Variants in CHRM3 observed in about 807,000 individuals in gnomAD.
The protein encoded by CHRM3 is cholinergic receptor muscarinic 3.
A neutral mutation model predicts 41.8 loss-of-function variants in CHRM3; 11 were observed. The observed-to-expected ratio is 0.26, with a 90% CI of 0.17 to 0.44. The LOEUF (loss-of-function observed/expected upper bound fraction) is 0.44, where lower values mean the gene tolerates loss of function less well. CHRM3 is among the 20% of genes least tolerant of loss of function. The pLI is 1.00. For missense variants in CHRM3, 571 were observed against 745.4 expected (o/e 0.77, Z 2.72); for synonymous variants, 297 against 301.4 (o/e 0.99, Z 0.15).
intron 6 of CHRM3, among the ~76,000 whole-genome samples, chr1:239,880,679 G>A (rs1204362993): frequency 6.6e-6 from 1 of 152,060 alleles, no homozygotes; most frequent in Non-Finnish European, 1.5e-5. Flanking sequence ...TTTTATTGTA[G>A]AGACAGGGGT....
At chr1:239,404,092 T>G (rs1313533316) in intron 1 of CHRM3, among the ~76,000 whole-genome samples, 3 of 145,828 alleles carry the variant, frequency 2.1e-5, no homozygotes, top group African/African-American at 7.6e-5. Flanking sequence ...ATCGAGACCA[T>G]CCTGGCTAAC....
At chr1:239,671,590 C>T (rs1674371044) in intron 4 of CHRM3, among the ~76,000 whole-genome samples, 1 of 152,198 alleles carries the variant, frequency 6.6e-6, no homozygotes, top group Non-Finnish European at 1.5e-5. Context: ...AAAAAAGGCC[C>T]AGATGCAGCT....
intron 4 of CHRM3, among the ~76,000 whole-genome samples, chr1:239,663,905 G>C (rs1405207291): frequency 6.6e-6 from 1 of 152,084 alleles, no homozygotes; most frequent in African/African-American, 2.4e-5. Context: ...GAACCAGTAG[G>C]ATGAAATGTT....
chr1:239,829,250 A>AT (rs750563136), intron 6 of CHRM3, among the ~76,000 whole-genome samples: 2 of 152,044 alleles, frequency 1.3e-5, no homozygotes, highest in Non-Finnish European at 2.9e-5. Context: ...GGTTTCCTCA[A>AT]TTATAAAGTA....
At chr1:239,708,884 T>A (rs985563536) in intron 5 of CHRM3, among the ~76,000 whole-genome samples, 1 of 151,778 alleles carries the variant, frequency 6.6e-6, no homozygotes, top group African/African-American at 2.4e-5. Context: ...AATAAACTAA[T>A]TCTCCTTAAG....
intron 6 of CHRM3, among the ~76,000 whole-genome samples, chr1:239,888,094 A>G (rs1386956022): frequency 6.6e-6 from 1 of 152,220 alleles, no homozygotes; most frequent in Non-Finnish European, 1.5e-5. Context: ...CAACAGTCAT[A>G]TATCAGTAAG....
intron 3 of CHRM3, among the ~76,000 whole-genome samples, chr1:239,555,927 A>G (rs1285511768): frequency 6.6e-6 from 1 of 152,216 alleles, no homozygotes; most frequent in Admixed American, 6.5e-5. Context: ...AAAAACTGTC[A>G]GTCATGCACC....
At chr1:239,428,185 A>T (rs1053700040) in intron 1 of CHRM3, among the ~76,000 whole-genome samples, 3 of 152,188 alleles carry the variant, frequency 2.0e-5, no homozygotes, top group African/African-American at 7.2e-5. Context: ...TTATCCAAGG[A>T]AGGGAGGCAG....
chr1:239,837,604 G>A (rs1045815728), intron 6 of CHRM3, among the ~76,000 whole-genome samples: 12 of 152,208 alleles, frequency 7.9e-5, no homozygotes, highest in Admixed American at 3.9e-4. Context: ...AAGCACAGCA[G>A]TAAGCACAGC....
At chr1:239,778,721 G>A (rs1668291769) in intron 5 of CHRM3, among the ~76,000 whole-genome samples, 1 of 152,150 alleles carries the variant, frequency 6.6e-6, no homozygotes, top group Non-Finnish European at 1.5e-5. Context: ...GCAGCTAGGG[G>A]ATTTGGATTT....
chr1:239,441,111 T>C (rs958367073), intron 1 of CHRM3, among the ~76,000 whole-genome samples: 2 of 152,106 alleles, frequency 1.3e-5, no homozygotes, highest in Non-Finnish European at 2.9e-5. Flanking sequence ...AATGGAGGGA[T>C]TGTAAAATTC....
At chr1:239,607,301 G>A (rs1266961591) in intron 3 of CHRM3, among the ~76,000 whole-genome samples, 3 of 151,964 alleles carry the variant, frequency 2.0e-5, no homozygotes, top group Non-Finnish European at 2.9e-5. Flanking sequence ...TACATTTAAG[G>A]TGCTTAGAAT....
intron 6 of CHRM3, among the ~76,000 whole-genome samples, chr1:239,828,232 A>G (rs754219466): frequency 4.6e-5 from 7 of 152,062 alleles, no homozygotes; most frequent in Non-Finnish European, 8.8e-5. Context: ...ATAGACACAC[A>G]TAGTTACACA....
At chr1:239,411,113 G>A (rs1661027930) in intron 1 of CHRM3, among the ~76,000 whole-genome samples, 1 of 152,054 alleles carries the variant, frequency 6.6e-6, no homozygotes, top group Non-Finnish European at 1.5e-5. Flanking sequence ...CTTTAGTGTT[G>A]GCTCACACAA....
At chr1:239,490,330 C>G (rs1667473843) in intron 1 of CHRM3, among the ~76,000 whole-genome samples, 1 of 152,012 alleles carries the variant, frequency 6.6e-6, no homozygotes, top group Non-Finnish European at 1.5e-5. Flanking sequence ...AGTCATGTTA[C>G]AATGTTTCTA....
chr1:239,436,826 C>G (rs531585378), intron 1 of CHRM3, among the ~76,000 whole-genome samples: 13 of 152,134 alleles, frequency 8.5e-5, no homozygotes, highest in South Asian at 8.3e-4. Context: ...CCCCAGCACC[C>G]TTCCCTAAAA....
chr1:239,638,455 C>T (rs1670727797), intron 4 of CHRM3, among the ~76,000 whole-genome samples: 1 of 152,150 alleles, frequency 6.6e-6, no homozygotes. Flanking sequence ...GATTGCCATT[C>T]TAACTGGTGT....
intron 6 of CHRM3, among the ~76,000 whole-genome samples, chr1:239,880,984 A>G (rs1027843398): frequency 6.6e-6 from 1 of 152,138 alleles, no homozygotes; most frequent in African/African-American, 2.4e-5. Context: ...AGTGCTAAGT[A>G]AAAGAATACA....
intron 5 of CHRM3, among the ~76,000 whole-genome samples, chr1:239,774,815 G>T (rs1667964816): frequency 6.6e-6 from 1 of 152,096 alleles, no homozygotes; most frequent in South Asian, 2.1e-4. Flanking sequence ...ACAGAGGAAA[G>T]GACATTGTTT....
Sources: gnomAD v4.1 joint callset for allele counts (sites outside exome capture counted in the v4.1 genomes callset) on GRCh38, gnomAD v4.1.1 for gene constraint, MANE v1.5 for transcripts, NCBI Gene and HGNC (gene_info 2026-07-23, HGNC 2026-07-21) for gene names.